Variants in RBL2 observed in about 807,000 individuals in gnomAD.
RBL2 encodes the protein RB transcriptional corepressor like 2, also known as retinoblastoma-like protein 2.
Under a neutral mutation model 126.0 loss-of-function variants are expected in RBL2, and 56 were observed. The ratio of observed to expected loss-of-function variants is 0.44; its 90% confidence interval spans 0.36 to 0.56. RBL2 has a LOEUF of 0.56. Among genes scored for constraint, RBL2 ranks in the 20% least tolerant of loss-of-function variants. RBL2 has a pLI of 0.00. For synonymous variants in RBL2, 454 were observed against 478.5 expected (o/e 0.95, Z 0.67); for missense variants, 1,229 against 1,398.2 (o/e 0.88, Z 1.93).
intron 13 of RBL2, 164 bp from the exon 14 acceptor site, chr16:53,466,894 G>A (rs1202274405): frequency 3.5e-6 from 2 of 579,198 alleles, no homozygotes; most frequent in Non-Finnish European, 6.0e-6. Context: ...TTTTTTGACT[G>A]CCAAAAGTTT....
chr16:53,454,938 C>T (rs2058152942), intron 8 of RBL2, 96 bp downstream of exon 8: 5 of 1,098,020 alleles, frequency 4.6e-6, no homozygotes, highest in South Asian at 2.0e-5. Flanking sequence ...TTTTACTTGC[C>T]TACAGTATGA....
intron 1 of RBL2, among the ~76,000 whole-genome samples, chr16:53,436,746 C>T (rs1318449425): frequency 2.6e-5 from 4 of 152,216 alleles, no homozygotes; most frequent in Non-Finnish European, 5.9e-5. Flanking sequence ...GCCTCTGAGA[C>T]TGTTAAGTAA....
intron 21 of RBL2, among the ~76,000 whole-genome samples, chr16:53,486,903 A>G (rs74017237): frequency 6.6e-6 from 1 of 152,222 alleles, no homozygotes; most frequent in South Asian, 2.1e-4. Context: ...ATGTATTTCT[A>G]TATGCTAGCA....
chr16:53,450,009 G>A (rs1415807648), intron 4 of RBL2, among the ~76,000 whole-genome samples: 2 of 133,372 alleles, frequency 1.5e-5, no homozygotes, highest in South Asian at 5.0e-4. Flanking sequence ...CCAGTAACAA[G>A]TTTAGGCTTG....
In RBL2 at chr16:53,459,434, AT is replaced by A. The variant is rs66521736; in HGVS notation, c.1180-7del. ...AAAAAATGTTTATTAATTCTGTGTA[AT>A]TTTTTTTTTCTTTAGTCCAAAGCAC... On this transcript the variant is annotated splice_polypyrimidine_tract_variant and intron_variant, in intron 8 of 21. Coordinates refer to ENST00000262133, the MANE Select transcript of RBL2 (RefSeq NM_005611.4). 441,130 of 1,524,826 alleles carry A rather than the reference AT, an allele frequency of 0.29. 61,802 individuals are homozygous for A. The highest frequency in any genetic ancestry group is 0.31 in the Non-Finnish European group (345,833 of 1,116,668). The allele number at this position is 1,524,826 out of a possible 1,614,324, so 94.5% of individuals were successfully genotyped here.
chr16:53,441,432 A>T (rs1172412163), intron 2 of RBL2, among the ~76,000 whole-genome samples: 1 of 152,218 alleles, frequency 6.6e-6, no homozygotes, highest in East Asian at 1.9e-4. Flanking sequence ...TTTCATTACA[A>T]CATGTTTTGT....
intron 21 of RBL2, among the ~76,000 whole-genome samples, chr16:53,483,569 AAACAAG>A (rs1961041089): frequency 6.6e-6 from 1 of 152,128 alleles, no homozygotes; most frequent in Non-Finnish European, 1.5e-5. Context: ...GAAAACAAGT[AAACAAG>A]AACAGCAAAA....
At position 53,439,016 on chromosome 16, in the gene RBL2, G is replaced by T; in HGVS notation, c.241G>T (p.Gly81Ter). The T allele has an allele frequency of 6.4e-7, 1 of 1,553,546 alleles. No individual in the cohort carries two copies. The highest frequency in any genetic ancestry group is 1.2e-5 in the South Asian group (1 of 80,296). ...AAATCAATTTTCTTTTCTTTTACAG[G>T]GAAATGATCTTCATTGGTTAGCATG... Reference protein sequence around the residue: ...RSMSESYTLEGNDLHWLACAL... With the variant: ...RSMSESYTLE The change falls in exon 2 of 22, where the codon GGA (glycine) becomes TGA (stop). Residue 81 changes from glycine (G) to a stop codon, truncating the protein, a stop_gained and splice_region_variant. Coordinates refer to ENST00000262133, the MANE Select transcript of RBL2 (RefSeq NM_005611.4). LOFTEE classifies it high-confidence loss of function.
At chr16:53,435,775 G>A in intron 1 of RBL2, 3 of 1,262,970 alleles carry the variant, frequency 2.4e-6, no homozygotes, top group Non-Finnish European at 3.1e-6. Flanking sequence ...TTTTGGCTAT[G>A]TGTACTGATG....
At chr16:53,440,801 G>A (rs950844130) in intron 2 of RBL2, among the ~76,000 whole-genome samples, 3 of 151,934 alleles carry the variant, frequency 2.0e-5, no homozygotes, top group Non-Finnish European at 2.9e-5. Flanking sequence ...TGATCCACCC[G>A]CCTTGGACTC....
intron 10 of RBL2, among the ~76,000 whole-genome samples, 156 bp from the exon 11 acceptor site, chr16:53,462,396 T>G (rs2058230501): frequency 6.6e-6 from 1 of 152,194 alleles, no homozygotes; most frequent in Non-Finnish European, 1.5e-5. Context: ...AATTAAGGTA[T>G]CTTAGGGATA....
rs2058313522 is a variant in RBL2, at chr16:53,470,604, G to A, written c.2467G>A (p.Val823Ile). ...CCAACAGCAGAAGCAAGGCCAGTCT[G>A]TAACCAGCAGTAGTAATAGACCCAG... The part of the protein sequence containing the change: ...GGQQQKQGQS[V>I]TSSSNRPRKT... The change falls in exon 16 of 22, where the codon GTA (valine) becomes ATA (isoleucine). Residue 823 changes from valine to isoleucine, a missense_variant. Around this residue, in one of 2 missense-constraint regions of RBL2, gnomAD observed 1,070 missense variants for 1,274.3 expected, o/e 0.84. Transcript: ENST00000262133. 1 of 1,614,090 alleles carries A rather than the reference G, an allele frequency of 6.2e-7. No individual in the cohort carries two copies. The highest frequency in any genetic ancestry group is 1.1e-5 in the South Asian group (1 of 91,092).
In RBL2 at chr16:53,481,688, C is replaced by T. The variant is rs559509515; in HGVS notation, c.3102C>T (p.Leu1034=). 1.2e-6 allele frequency: 2 copies of T among 1,610,952 alleles called. No individual in the cohort carries two copies. Among genetic ancestry groups the T allele is most frequent in the South Asian group, 2.2e-5 (2 of 90,862 alleles). Residue 1034 remains leucine (L), a synonymous_variant, in exon 21 of 22, where the codon CTC becomes CTT. Transcript: ENST00000262133. ...TTAAACAGATGGATGCTCCTCCACT[C>T]TCTCCCTATCCATTTGTAAGAACAG... ...YSQANMDAPP[L]SPYPFVRTGS...
intron 4 of RBL2, among the ~76,000 whole-genome samples, chr16:53,450,135 T>G (rs2153140550): frequency 6.6e-6 from 1 of 152,254 alleles, no homozygotes; most frequent in Non-Finnish European, 1.5e-5. Flanking sequence ...ACCAAGCAAG[T>G]TGGTTTGGCT....
intron 1 of RBL2, among the ~76,000 whole-genome samples, chr16:53,437,201 T>C (rs1356553357): frequency 6.6e-5 from 10 of 152,136 alleles, no homozygotes; most frequent in African/African-American, 9.7e-5. Flanking sequence ...GATATTGATA[T>C]AGTAGAGAAA....
At chr16:53,457,103 G>A (rs965899472) in intron 8 of RBL2, among the ~76,000 whole-genome samples, 2 of 151,698 alleles carry the variant, frequency 1.3e-5, no homozygotes, top group Non-Finnish European at 2.9e-5. Context: ...CAAGAGTTAG[G>A]GTTATTAGCA....
At chr16:53,490,030 C>G in intron 21 of RBL2, 100 bp from the exon 22 acceptor site, 1 of 922,522 alleles carries the variant, frequency 1.1e-6, no homozygotes, top group Non-Finnish European at 1.5e-6. Context: ...TGTTCAAACT[C>G]TTCCAGGGTA....
At chr16:53,434,819 G>A in intron 1 of RBL2, 23 bp downstream of exon 1, 1 of 1,481,312 alleles carries the variant, frequency 6.8e-7, no homozygotes, top group Non-Finnish European at 9.0e-7. Flanking sequence ...GCGGAGGGGC[G>A]CTTCCGGCCT....
At chr16:53,452,072 C>T (rs539170903) in intron 5 of RBL2, among the ~76,000 whole-genome samples, 1 of 152,252 alleles carries the variant, frequency 6.6e-6, no homozygotes, top group African/African-American at 2.4e-5. Context: ...ATATACTCAA[C>T]AAGGAGAAGG....
Sources: allele counts gnomAD v4.1 joint callset (sites outside exome capture counted in the v4.1 genomes callset), GRCh38; gene constraint gnomAD v4.1.1; regional missense constraint gnomAD v4.1.1; transcripts MANE v1.5; gene names NCBI Gene and HGNC (gene_info 2026-07-23, HGNC 2026-07-21).